The following TIAM1 variants were observed in gnomAD, a reference collection of about 807,000 sequenced individuals.
The protein encoded by TIAM1 is rho guanine nucleotide exchange factor TIAM1.
TIAM1 carries 65 observed loss-of-function variants against 163.5 expected under a neutral mutation model. The ratio of observed to expected loss-of-function variants is 0.40; its 90% CI spans 0.33 to 0.49. TIAM1 has a LOEUF of 0.49. Ranked by LOEUF, TIAM1 falls within the 20% of genes least tolerant of loss-of-function variation. The pLI is 0.77. For missense variants in TIAM1, 1,789 were observed against 2,044.7 expected (o/e 0.87, Z 2.41); for synonymous variants, 833 against 810.1 (o/e 1.03, Z -0.48).
At chr21:31,495,046 CAG>C (rs2046595070) in intron 1 of TIAM1, among the ~76,000 whole-genome samples, 1 of 152,144 alleles carries the variant, frequency 6.6e-6, no homozygotes, top group Non-Finnish European at 1.5e-5. Flanking sequence ...AGGGAAAAAA[CAG>C]TGTGTGTATA....
intron 2 of TIAM1, among the ~76,000 whole-genome samples, chr21:31,373,657 AGGGTGTCT>A (rs937152026): frequency 6.6e-6 from 1 of 152,146 alleles, no homozygotes; most frequent in African/African-American, 2.4e-5. Flanking sequence ...GAGAGGCAGG[AGGGTGTCT>A]GGAATTTTTT....
chr21:31,525,884 A>C (rs2147505628), intron 1 of TIAM1, among the ~76,000 whole-genome samples: 1 of 151,980 alleles, frequency 6.6e-6, no homozygotes, highest in South Asian at 2.1e-4. Flanking sequence ...AAATACAAAA[A>C]TTAGCTGGGC....
At chr21:31,306,794 C>A (rs2074729597) in intron 2 of TIAM1, among the ~76,000 whole-genome samples, 1 of 152,172 alleles carries the variant, frequency 6.6e-6, no homozygotes, top group African/African-American at 2.4e-5. Flanking sequence ...AGACACGAGA[C>A]AATCACGGGC....
At chr21:31,452,631 C>A (rs2044910135) in intron 2 of TIAM1, 2 of 489,368 alleles carry the variant, frequency 4.1e-6, no homozygotes, top group Admixed American at 2.9e-5. Flanking sequence ...AAGACTTATC[C>A]ATAATATTTT....
intron 6 of TIAM1, among the ~76,000 whole-genome samples, chr21:31,235,288 G>GAA (rs146030724): frequency 6.6e-6 from 1 of 151,160 alleles, no homozygotes; most frequent in African/African-American, 2.4e-5. Context: ...ATTAACTACA[G>GAA]AAAAAAAAAT....
chr21:31,291,291 T>C (rs1336767179), intron 2 of TIAM1, among the ~76,000 whole-genome samples: 3 of 152,180 alleles, frequency 2.0e-5, no homozygotes, highest in African/African-American at 4.8e-5. Context: ...AAAAAAGTTA[T>C]ACAAAACTTT....
At chr21:31,142,931 C>T (rs747199082) in intron 20 of TIAM1, among the ~76,000 whole-genome samples, 15 of 152,066 alleles carry the variant, frequency 9.9e-5, no homozygotes, top group East Asian at 5.8e-4. Context: ...GGGGATGATA[C>T]GAAGCCGTGG....
intron 2 of TIAM1, among the ~76,000 whole-genome samples, chr21:31,308,615 C>T (rs939739607): frequency 1.3e-5 from 2 of 151,926 alleles, no homozygotes; most frequent in Admixed American, 6.6e-5. Flanking sequence ...GCAATAAACG[C>T]GTGTTGTAAT....
At chr21:31,271,693 T>G (rs2073064723) in intron 3 of TIAM1, among the ~76,000 whole-genome samples, 1 of 152,136 alleles carries the variant, frequency 6.6e-6, no homozygotes, top group Admixed American at 6.6e-5. Context: ...AGGTTAAGAG[T>G]TGAGAGGGCA....
In TIAM1 at chr21:31,389,044, C is replaced by T. The variant is rs146095932; in HGVS notation, c.-368-49622G>A. 6.3e-3 allele frequency among the ~76,000 whole-genome samples: 964 copies of T among 152,284 alleles called. 7 individuals are homozygous for T. The highest frequency in any genetic ancestry group is 0.022 in the African/African-American group (927 of 41,546). On this transcript the variant is annotated intron_variant, in intron 2 of 28. Transcript: ENST00000286827. ...CTGTGTCACACGCACTCAACTCCAC[C>T]ACTGGCACATGAAACGAGCCACGGG...
intron 5 of TIAM1, among the ~76,000 whole-genome samples, chr21:31,247,307 T>A (rs567350637): frequency 1.3e-5 from 2 of 152,030 alleles, no homozygotes; most frequent in Middle Eastern, 3.2e-3. Context: ...CAAGACCCTG[T>A]CACAAAAAAA....
At chr21:31,408,916 C>T (rs2077295135) in intron 2 of TIAM1, among the ~76,000 whole-genome samples, 1 of 152,128 alleles carries the variant, frequency 6.6e-6, no homozygotes, top group Non-Finnish European at 1.5e-5. Flanking sequence ...ACAAAGCTTC[C>T]AGGTGGCTGT....
chr21:31,527,086 CCGGAGAAA>C (rs1342669953), intron 1 of TIAM1, among the ~76,000 whole-genome samples: 1 of 152,134 alleles, frequency 6.6e-6, no homozygotes, highest in African/African-American at 2.4e-5. Context: ...GGAACAGACA[CCGGAGAAA>C]CTGGGCTCCA....
At chr21:31,553,342 C>A (rs1329655192) in intron 1 of TIAM1, among the ~76,000 whole-genome samples, 1 of 152,138 alleles carries the variant, frequency 6.6e-6, no homozygotes, top group Non-Finnish European at 1.5e-5. Flanking sequence ...CCAAAGATAT[C>A]CTGTGTCCTG....
intron 1 of TIAM1, among the ~76,000 whole-genome samples, chr21:31,495,259 G>T (rs1310076962): frequency 6.6e-6 from 1 of 152,166 alleles, no homozygotes; most frequent in African/African-American, 2.4e-5. Context: ...ATAAAGAAGA[G>T]AAATTTATTT....
chr21:31,483,369 G>A (rs773386695), intron 1 of TIAM1, among the ~76,000 whole-genome samples: 1 of 152,148 alleles, frequency 6.6e-6, no homozygotes, highest in African/African-American at 2.4e-5. Flanking sequence ...AGAAGTTGGA[G>A]CCAGTTTATT....
intron 1 of TIAM1, among the ~76,000 whole-genome samples, chr21:31,514,601 G>C (rs796732111): frequency 6.6e-6 from 1 of 152,006 alleles, no homozygotes; most frequent in Non-Finnish European, 1.5e-5. Flanking sequence ...GCTGAGGCAC[G>C]AGAATCGCTT....
chr21:31,197,539 C>CTTTTTTTTTTTTTTTTTTTTT (rs58141765), intron 12 of TIAM1, among the ~76,000 whole-genome samples: 12 of 123,256 alleles, frequency 9.7e-5, no homozygotes, highest in East Asian at 2.7e-4. Flanking sequence ...CCGCGCCCGG[C>CTTTTTTTTTTTTTTTTTTTTT]TTTTTTTTTT....
intron 2 of TIAM1, among the ~76,000 whole-genome samples, chr21:31,313,935 C>T (rs1253543628): frequency 6.6e-6 from 1 of 152,218 alleles, no homozygotes; most frequent in East Asian, 1.9e-4. Flanking sequence ...TGCCCATTCA[C>T]TTAGTTAATG....
Sources: allele counts gnomAD v4.1 joint callset (sites outside exome capture counted in the v4.1 genomes callset), GRCh38; gene constraint gnomAD v4.1.1; transcripts MANE v1.5; gene names NCBI Gene and HGNC (gene_info 2026-07-23, HGNC 2026-07-21).